CIROZ: variants seen among roughly 807,000 people sequenced by gnomAD.
The protein encoded by CIROZ is ciliated left-right organizer protein containing ZP-N domains.
At chr1:10,949,449 A>G in the CIROZ span, 13 of 789,186 alleles carry the variant, frequency 1.6e-5, no homozygotes, top group African/African-American at 1.6e-4. Flanking sequence ...CCAGCTTTCT[A>G]TGGGAAATAT....
chr1:10,966,461 T>G, the CIROZ span: 2 of 1,534,906 alleles, frequency 1.3e-6, no homozygotes, highest in Non-Finnish European at 1.7e-6. Flanking sequence ...AGAATCCAGG[T>G]GGTCAGGGGA....
At chr1:10,973,858 C>G in the CIROZ span, among the ~76,000 whole-genome samples, 1 of 152,148 alleles carries the variant, frequency 6.6e-6, no homozygotes, top group South Asian at 2.1e-4. Flanking sequence ...GGGCTAGGAG[C>G]AGGCAGGATC....
the CIROZ span, chr1:10,969,931 C>A: frequency 1.3e-6 from 2 of 1,495,786 alleles, no homozygotes; most frequent in Non-Finnish European, 1.8e-6. Flanking sequence ...ACACAAAAGC[C>A]CCAGCAAAGA....
At chr1:10,966,447 G>A in the CIROZ span, 1 of 1,536,640 alleles carries the variant, frequency 6.5e-7, no homozygotes, top group Admixed American at 2.0e-5. Flanking sequence ...CATTTAGCAA[G>A]AGAAGAATCC....
the CIROZ span, among the ~76,000 whole-genome samples, chr1:10,947,232 G>A: frequency 3.3e-5 from 5 of 152,236 alleles, no homozygotes; most frequent in Non-Finnish European, 5.9e-5. Context: ...AGGCCTGGCT[G>A]CAAAGCCTGC....
the CIROZ span, among the ~76,000 whole-genome samples, chr1:10,967,112 G>A: frequency 6.3e-4 from 94 of 148,204 alleles, no homozygotes; most frequent in African/African-American, 2.3e-3. Flanking sequence ...TTGTGCCACT[G>A]CACTCCAGCC....
chr1:10,966,609 A>T, the CIROZ span: 1 of 1,056,088 alleles, frequency 9.5e-7, no homozygotes, highest in Non-Finnish European at 1.3e-6. Flanking sequence ...GAAGGGATAA[A>T]AATAGCAGTA....
chr1:10,957,374 G>A, the CIROZ span, among the ~76,000 whole-genome samples: 49 of 152,352 alleles, frequency 3.2e-4, no homozygotes, highest in Admixed American at 2.8e-3. Context: ...TTAAAGAGAC[G>A]GTAATTACGC....
At chr1:10,981,883 C>A in the CIROZ span, 1 of 1,165,556 alleles carries the variant, frequency 8.6e-7, no homozygotes, top group Non-Finnish European at 1.2e-6. Flanking sequence ...GCCCCTCACC[C>A]ATTTGGCCCC....
At chr1:10,966,289 A>G in the CIROZ span, 6 of 1,437,296 alleles carry the variant, frequency 4.2e-6, no homozygotes, top group Non-Finnish European at 5.5e-6. Flanking sequence ...CTTACTTGAT[A>G]TCTGAGCTCA....
the CIROZ span, among the ~76,000 whole-genome samples, chr1:10,973,360 G>A: frequency 1.3e-5 from 2 of 152,164 alleles, no homozygotes; most frequent in Admixed American, 6.5e-5. Flanking sequence ...ATGGCAGAGC[G>A]AGATTCTGTC....
the CIROZ span, chr1:10,954,877 G>A: frequency 2.6e-6 from 3 of 1,173,438 alleles, no homozygotes; most frequent in Non-Finnish European, 3.5e-6. Flanking sequence ...ACAGGCACGA[G>A]CCACTGTGAC....
chr1:10,951,730 T>TAAAAAA, the CIROZ span, among the ~76,000 whole-genome samples: 7 of 125,342 alleles, frequency 5.6e-5, no homozygotes, highest in African/African-American at 1.7e-4. Context: ...GTCTCTTATT[T>TAAAAAA]AAAAAAAAAA....
the CIROZ span, chr1:10,955,044 C>T: frequency 1.9e-6 from 3 of 1,613,564 alleles, no homozygotes; most frequent in Non-Finnish European, 2.5e-6. Flanking sequence ...AGTCCTTGTT[C>T]TCAGTCACCA....
the CIROZ span, chr1:10,976,357 A>C: frequency 7.4e-6 from 6 of 808,654 alleles, no homozygotes; most frequent in South Asian, 1.0e-4. Context: ...TTTTTCTGAG[A>C]CGGAGTCTCG....
chr1:10,965,661 A>G, the CIROZ span, among the ~76,000 whole-genome samples: 3 of 152,014 alleles, frequency 2.0e-5, no homozygotes, highest in Non-Finnish European at 4.4e-5. Context: ...GAAGCTCAAG[A>G]CCAGCCTGGC....
chr1:10,956,043 G>A, the CIROZ span, among the ~76,000 whole-genome samples: 1 of 152,046 alleles, frequency 6.6e-6, no homozygotes, highest in East Asian at 1.9e-4. Context: ...CATGGTCATT[G>A]CCAATGCCTG....
the CIROZ span, chr1:10,947,521 C>G: frequency 1.5e-6 from 1 of 668,518 alleles, no homozygotes; most frequent in African/African-American, 1.8e-5. Context: ...CAGTGATCAT[C>G]TGGGCCAGAA....
chr1:10,974,231 G>A, the CIROZ span, among the ~76,000 whole-genome samples: 1 of 152,180 alleles, frequency 6.6e-6, no homozygotes, highest in East Asian at 1.9e-4. The surrounding 1 kb of genome is among the most constrained non-coding windows in gnomAD (Gnocchi z 4.4). Flanking sequence ...GCCCATAGCT[G>A]CCCATGGACC....
Sources: gnomAD v4.1 joint callset for allele counts (sites outside exome capture counted in the v4.1 genomes callset) on GRCh38, gnomAD v4.1.1 for gene constraint, Gnocchi (gnomAD v3.1) non-coding constraint, MANE v1.5 for transcripts, NCBI Gene and HGNC (gene_info 2026-07-23, HGNC 2026-07-21) for gene names.